The following NFU1 variants were observed in gnomAD, a reference collection of about 807,000 sequenced individuals.
The protein encoded by NFU1 is NFU1 iron-sulfur cluster scaffold.
NFU1 carries 30 observed loss-of-function variants against 32.2 expected under a neutral mutation model. The ratio of observed to expected loss-of-function variants is 0.93; its 90% confidence interval spans 0.70 to 1.26. NFU1 has a LOEUF of 1.26. NFU1 is among the 50% of genes most tolerant of loss of function. NFU1 has a pLI of 0.00. For synonymous variants in NFU1, 112 were observed against 104.6 expected (o/e 1.07, Z -0.43); for missense variants, 306 against 306.6 (o/e 1.00, Z 0.02).
chr2:69,427,437 TTTG>T (rs1673498009), intron 2 of NFU1, among the ~76,000 whole-genome samples: 1 of 150,822 alleles, frequency 6.6e-6, no homozygotes, highest in Non-Finnish European at 1.5e-5. Context: ...ATCTCAGCAC[TTTG>T]GGAGGTAAAG....
upstream of NFU1, chr2:69,437,708 G>A (rs867081005): frequency 1.8e-6 from 1 of 551,936 alleles, no homozygotes; most frequent in Non-Finnish European, 3.3e-6. Flanking sequence ...CTGTTGGCTA[G>A]GTTTTTAGCT....
chr2:69,418,633 C>A (rs11884868), intron 4 of NFU1, among the ~76,000 whole-genome samples: 99,033 of 151,370 alleles, frequency 0.65, 33,620 homozygotes, highest in African/African-American at 0.85. Flanking sequence ...TGCCCGGCTA[C>A]TTTTTTTTTG....
At chr2:69,396,352 C>T in intron 7 of NFU1, 62 bp from the exon 8 acceptor site, 1 of 1,298,278 alleles carries the variant, frequency 7.7e-7, no homozygotes, top group South Asian at 1.2e-5. Context: ...TGCTGTTTTC[C>T]TGATTTTAAT....
At position 69,396,211 on chromosome 2, in the gene NFU1, TCTGA is replaced by T. The variant is rs1234277742; in HGVS notation, c.*31_*34del. 5 of 1,558,896 alleles carry T rather than the reference TCTGA, an allele frequency of 3.2e-6. No individual in the cohort carries two copies. The Admixed American group carries it at 5.0e-5, about 16-fold the overall frequency. Reference sequence around the variant, plus strand: ...AAACTTGATATATATTATCAACAAGTCTGACTGTTATGCCCAAAGAAAATCCAGA... The same window carrying T: ...AAACTTGATATATATTATCAACAAGTCTGTTATGCCCAAAGAAAATCCAGA... On this transcript the variant is annotated 3_prime_UTR_variant, in exon 8 of 8. Transcript: ENST00000410022.
chr2:69,425,868 G>A (rs1673438138), intron 2 of NFU1, among the ~76,000 whole-genome samples: 1 of 152,096 alleles, frequency 6.6e-6, no homozygotes, highest in African/African-American at 2.4e-5. Context: ...AAGACACGGA[G>A]GCTTAGAGAT....
chr2:69,431,585 G>A (rs1352152903), intron 2 of NFU1, among the ~76,000 whole-genome samples: 1 of 152,140 alleles, frequency 6.6e-6, no homozygotes, highest in Non-Finnish European at 1.5e-5. Context: ...GGGATTACAG[G>A]CATGAGCCAC....
chr2:69,428,496 T>C (rs1248792394), intron 2 of NFU1, among the ~76,000 whole-genome samples: 1 of 152,180 alleles, frequency 6.6e-6, no homozygotes, highest in Non-Finnish European at 1.5e-5. Context: ...ATGTATTATA[T>C]CATTTAATCC....
chr2:69,427,808 C>A (rs567052111), intron 2 of NFU1, among the ~76,000 whole-genome samples: 6 of 151,528 alleles, frequency 4.0e-5, no homozygotes, highest in African/African-American at 9.7e-5. Context: ...ATGGTGAAAC[C>A]CCGTCTCTAC....
At chr2:69,434,633 G>A (rs1468623269) in intron 1 of NFU1, among the ~76,000 whole-genome samples, 3 of 152,068 alleles carry the variant, frequency 2.0e-5, no homozygotes, top group Admixed American at 6.6e-5. Context: ...AAATATCATC[G>A]CTATCCATTA....
intron 7 of NFU1, among the ~76,000 whole-genome samples, chr2:69,399,975 C>G (rs1672465120): frequency 6.6e-6 from 1 of 152,006 alleles, no homozygotes; most frequent in South Asian, 2.1e-4. Context: ...CAGGTTCAAG[C>G]AATTCTCCTG....
chr2:69,436,909 A>G (rs1026773057), intron 1 of NFU1, among the ~76,000 whole-genome samples: 4 of 151,984 alleles, frequency 2.6e-5, no homozygotes, highest in African/African-American at 9.7e-5. Context: ...TGGACATGTC[A>G]CCTCCTCTTT....
rs369585960 is a variant in NFU1 at position 69,419,522 on chromosome 2, A to G, written c.369+16T>C. ...AAGAGTATTTCAAGTCTTATTTTAT[A>G]TAATCCTATGTTTACCTTTGTGACA... is the stretch of plus-strand genomic sequence containing the variant. On this transcript the variant is annotated intron_variant, in intron 4 of 7. Transcript: ENST00000410022. 3 of 1,425,146 alleles carry G rather than the reference A, an allele frequency of 2.1e-6. No homozygotes were observed. The African/African-American group carries it at 4.2e-5, about 20-fold the overall frequency. The allele number at this position is 1,425,146 out of a possible 1,614,324, so 88.3% of individuals were successfully genotyped here.
At chr2:69,423,825 G>A (rs1186229812) in intron 2 of NFU1, 108 bp from the exon 3 acceptor site, 8 of 829,222 alleles carry the variant, frequency 9.6e-6, no homozygotes, top group Admixed American at 2.2e-5. Context: ...AAAAACTGGG[G>A]AAAAACCCAA....
chr2:69,423,074 T>C (rs1673298295), intron 3 of NFU1, among the ~76,000 whole-genome samples: 1 of 151,846 alleles, frequency 6.6e-6, no homozygotes, highest in Non-Finnish European at 1.5e-5. Context: ...CCTCCCAGGC[T>C]CAAGCGATCT....
intron 6 of NFU1, among the ~76,000 whole-genome samples, chr2:69,401,482 T>C (rs957110496): frequency 1.3e-5 from 2 of 152,234 alleles, no homozygotes; most frequent in Non-Finnish European, 2.9e-5. Context: ...ATTAAGCAAA[T>C]ATACCAGAAT....
rs546489733 is a variant in NFU1, at chr2:69,432,888, G to C, written c.63-883C>G. On this transcript the variant is annotated intron_variant, in intron 1 of 7. Transcript: ENST00000410022. ...TATTGGGCCAGGGGTGGTGGCTCAC[G>C]CCTGTAATGCCAGCACTTTGGGAGG... is the stretch of plus-strand genomic sequence containing the variant. Among the ~76,000 whole-genome samples the C allele has an allele frequency of 2.0e-5, 3 of 151,850 alleles. No homozygotes were observed. The East Asian group carries it at 5.9e-4, about 30-fold the overall frequency.
intron 5 of NFU1, among the ~76,000 whole-genome samples, chr2:69,413,013 G>A (rs7602427): frequency 0.21 from 32,324 of 151,928 alleles, 4,047 homozygotes; most frequent in African/African-American, 0.34. Context: ...ACAAGATACC[G>A]GCCAGGCTCA....
intron 7 of NFU1, among the ~76,000 whole-genome samples, chr2:69,398,284 A>G (rs1208836253): frequency 2.6e-5 from 4 of 152,178 alleles, no homozygotes; most frequent in African/African-American, 9.7e-5. Flanking sequence ...AGCTACATAA[A>G]CATAAAGCAA....
At chr2:69,428,516 T>C (rs1673540701) in intron 2 of NFU1, among the ~76,000 whole-genome samples, 2 of 152,296 alleles carry the variant, frequency 1.3e-5, no homozygotes, top group African/African-American at 4.8e-5. Context: ...CTTACATACT[T>C]TCAATGAGTA....
Sources: allele counts gnomAD v4.1 joint callset (sites outside exome capture counted in the v4.1 genomes callset), GRCh38; gene constraint gnomAD v4.1.1; transcripts MANE v1.5; gene names NCBI Gene and HGNC (gene_info 2026-07-23, HGNC 2026-07-21).